CHRM3: variants seen among roughly 807,000 people sequenced by gnomAD.
The protein encoded by CHRM3 is cholinergic receptor muscarinic 3, also known as muscarinic acetylcholine receptor M3.
A neutral mutation model predicts 41.8 loss-of-function variants in CHRM3; 11 were observed. The observed-to-expected ratio is 0.26, with a 90% CI of 0.17 to 0.44. CHRM3 has a LOEUF of 0.44. CHRM3 is among the 20% of genes least tolerant of loss of function. CHRM3 has a pLI of 1.00. For missense variants in CHRM3, 571 were observed against 745.4 expected, an observed-to-expected ratio of 0.77 and a Z score of 2.72; for synonymous variants, 297 against 301.4, an observed-to-expected ratio of 0.99 and a Z score of 0.15.
chr1:239,789,174 G>C (rs12408734), intron 5 of CHRM3, among the ~76,000 whole-genome samples: 17,827 of 152,122 alleles, frequency 0.12, 1,362 homozygotes, highest in East Asian at 0.4. Flanking sequence ...GGTCATTGGA[G>C]GGTACTAGAC....
At chr1:239,811,982 C>A (rs146519310) in intron 5 of CHRM3, among the ~76,000 whole-genome samples, 1 of 152,136 alleles carries the variant, frequency 6.6e-6, no homozygotes, top group Non-Finnish European at 1.5e-5. Context: ...TAATTCATAT[C>A]GATTTATGAG....
chr1:239,709,544 G>C (rs1220670846), intron 5 of CHRM3, among the ~76,000 whole-genome samples: 1 of 152,152 alleles, frequency 6.6e-6, no homozygotes, highest in Admixed American at 6.6e-5. Flanking sequence ...GGACAGTGCT[G>C]CCTGTGTGGC....
At chr1:239,651,119 C>T (rs1344580694) in intron 4 of CHRM3, among the ~76,000 whole-genome samples, 1 of 152,098 alleles carries the variant, frequency 6.6e-6, no homozygotes, top group Non-Finnish European at 1.5e-5. Context: ...ATATTTGCAG[C>T]TTGTGTAACT....
At chr1:239,538,466 T>C (rs1658421494) in intron 2 of CHRM3, among the ~76,000 whole-genome samples, 1 of 152,214 alleles carries the variant, frequency 6.6e-6, no homozygotes, top group South Asian at 2.1e-4. Context: ...GAGGACTCTT[T>C]ATCCCCTGCC....
rs572953138 is a variant in CHRM3, at chr1:239,786,906, G to A, written c.-146-40346G>A. Among the ~76,000 whole-genome samples the A allele has an allele frequency of 3.9e-5, 6 of 152,254 alleles. No homozygotes were observed. The East Asian group carries it at 1.2e-3, about 29-fold the overall frequency. On this transcript the variant is annotated intron_variant, in intron 5 of 6. Transcript: ENST00000676153. Reference sequence around the variant, plus strand: ...CCTGTAGCGAAAACCAAAGTTTGAGGTTACAGGGAGCCACTGAAGGACATT... The same window carrying A: ...CCTGTAGCGAAAACCAAAGTTTGAGATTACAGGGAGCCACTGAAGGACATT...
At chr1:239,661,327 A>C (rs1673174283) in intron 4 of CHRM3, among the ~76,000 whole-genome samples, 1 of 152,222 alleles carries the variant, frequency 6.6e-6, no homozygotes, top group African/African-American at 2.4e-5. Flanking sequence ...GCACTTAACA[A>C]CATATTTTAG....
At chr1:239,755,203 G>A (rs1265753205) in intron 5 of CHRM3, among the ~76,000 whole-genome samples, 2 of 152,116 alleles carry the variant, frequency 1.3e-5, no homozygotes, top group Non-Finnish European at 2.9e-5. Flanking sequence ...AAAGGATTCT[G>A]TCCAAAACCA....
At chr1:239,619,788 C>G (rs927428822) in intron 3 of CHRM3, among the ~76,000 whole-genome samples, 1 of 151,614 alleles carries the variant, frequency 6.6e-6, no homozygotes, top group Admixed American at 6.6e-5. Context: ...CCCTAGCTTT[C>G]ACATTCATGT....
intron 3 of CHRM3, among the ~76,000 whole-genome samples, chr1:239,575,519 T>C (rs1662248125): frequency 6.6e-6 from 1 of 152,194 alleles, no homozygotes; most frequent in South Asian, 2.1e-4. Flanking sequence ...TCTGAATTAA[T>C]AGGGGTTCAT....
intron 5 of CHRM3, among the ~76,000 whole-genome samples, chr1:239,686,303 C>G (rs1194393970): frequency 6.6e-6 from 1 of 152,130 alleles, no homozygotes; most frequent in Non-Finnish European, 1.5e-5. Context: ...TGAAGCTGTT[C>G]CCTTCTGTGA....
chr1:239,496,510 A>AGTGTGTGTGTGT (rs71166874), intron 2 of CHRM3, among the ~76,000 whole-genome samples: 9 of 144,982 alleles, frequency 6.2e-5, no homozygotes, highest in Non-Finnish European at 9.0e-5. Flanking sequence ...TAGTAATTCT[A>AGTGTGTGTGTGT]GTGTGTGTGT....
At chr1:239,496,966 G>A (rs1390409963) in intron 2 of CHRM3, among the ~76,000 whole-genome samples, 2 of 152,050 alleles carry the variant, frequency 1.3e-5, no homozygotes, top group Non-Finnish European at 2.9e-5. Context: ...TGGATGCATG[G>A]TAAATTAACT....
chr1:239,455,690 G>A (rs989420834), intron 1 of CHRM3, among the ~76,000 whole-genome samples: 2 of 152,160 alleles, frequency 1.3e-5, no homozygotes, highest in Non-Finnish European at 2.9e-5. Flanking sequence ...TTGTGTTTAA[G>A]CTAAGTGATA....
chr1:239,466,211 C>G (rs1276890544), intron 1 of CHRM3, among the ~76,000 whole-genome samples: 1 of 151,970 alleles, frequency 6.6e-6, no homozygotes, highest in East Asian at 1.9e-4. Flanking sequence ...GCCAGGGTGG[C>G]CTTGAACTCC....
intron 1 of CHRM3, among the ~76,000 whole-genome samples, chr1:239,419,667 T>A (rs1289519838): frequency 6.6e-6 from 1 of 152,208 alleles, no homozygotes; most frequent in African/African-American, 2.4e-5. Flanking sequence ...TGTCTATATA[T>A]TCCAGCATTC....
rs777434945 is a variant in CHRM3, at chr1:239,389,051, G to A, written c.-521+1824G>A. The stretch of plus-strand genomic sequence containing the variant: ...TGAGATCGAATGTAGCACGAAAATA[G>A]CAATGTCGAAATATTGTTTTTTAAA... On this transcript the variant is annotated intron_variant, in intron 1 of 6. Coordinates refer to ENST00000676153, the MANE Select transcript of CHRM3 (RefSeq NM_001375978.1). Among the ~76,000 whole-genome samples, 49 of 152,164 alleles carry A rather than the reference G, an allele frequency of 3.2e-4. 1 individual carries two copies. The highest frequency in any genetic ancestry group is 5.7e-4 in the Non-Finnish European group (39 of 68,026).
chr1:239,837,892 C>G (rs1673460770), intron 6 of CHRM3, among the ~76,000 whole-genome samples: 1 of 152,174 alleles, frequency 6.6e-6, no homozygotes, highest in Non-Finnish European at 1.5e-5. Context: ...TGCTATGAAG[C>G]TGAAACAGCT....
intron 1 of CHRM3, among the ~76,000 whole-genome samples, chr1:239,478,574 T>C (rs948887060): frequency 2.6e-4 from 39 of 152,300 alleles, no homozygotes; most frequent in African/African-American, 9.4e-4. Flanking sequence ...CAGCAGAAGC[T>C]ATAAGAAGAA....
intron 5 of CHRM3, among the ~76,000 whole-genome samples, chr1:239,737,297 A>C (rs1664474272): frequency 6.6e-6 from 1 of 152,190 alleles, no homozygotes; most frequent in South Asian, 2.1e-4. Context: ...GCCACTTTGC[A>C]ATGATCTGTT....
Sources: allele counts gnomAD v4.1 joint callset (sites outside exome capture counted in the v4.1 genomes callset), GRCh38; gene constraint gnomAD v4.1.1; transcripts MANE v1.5; gene names NCBI Gene and HGNC (gene_info 2026-07-23, HGNC 2026-07-21).